Variants in FRMD4A observed in about 807,000 individuals in gnomAD.
FRMD4A encodes the protein FERM domain-containing protein 4A.
A neutral mutation model predicts 129.1 loss-of-function variants in FRMD4A; 29 were observed. The observed-to-expected ratio is 0.22, with a 90% CI of 0.17 to 0.31. The LOEUF (loss-of-function observed/expected upper bound fraction) is 0.31. FRMD4A is among the 10% of genes least tolerant of loss of function. The pLI is 1.00. For missense variants in FRMD4A, 1,272 were observed against 1,375.8 expected (o/e 0.92, Z 1.19); for synonymous variants, 634 against 571.6 (o/e 1.11, Z -1.56).
chr10:14,185,478 C>G (rs569470797), intron 2 of FRMD4A, among the ~76,000 whole-genome samples: 1 of 152,210 alleles, frequency 6.6e-6, no homozygotes, highest in Admixed American at 6.5e-5. Context: ...AACATTACAA[C>G]ATTTTGTAAT....
intron 11 of FRMD4A, among the ~76,000 whole-genome samples, chr10:13,739,969 G>A (rs554399233): frequency 8.1e-4 from 123 of 152,274 alleles, no homozygotes; most frequent in Middle Eastern, 3.4e-3. Context: ...GTGTGGTGGC[G>A]CATGCCTGTA....
chr10:13,954,893 G>T (rs574905022), intron 2 of FRMD4A, among the ~76,000 whole-genome samples: 1 of 152,272 alleles, frequency 6.6e-6, no homozygotes, highest in South Asian at 2.1e-4. Flanking sequence ...GCATTAGATT[G>T]TAAGTGGGCT....
At chr10:14,320,446 C>T (rs548086859) in intron 2 of FRMD4A, among the ~76,000 whole-genome samples, 9 of 152,146 alleles carry the variant, frequency 5.9e-5, no homozygotes, top group Non-Finnish European at 8.8e-5. Context: ...TTGTTCCCTC[C>T]ACTGGGAAGC....
intron 2 of FRMD4A, among the ~76,000 whole-genome samples, chr10:13,967,092 C>CT (rs1184891261): frequency 2.0e-5 from 3 of 152,184 alleles, no homozygotes; most frequent in African/African-American, 4.8e-5. Flanking sequence ...AATCCCAGCA[C>CT]TTCGGAGGCC....
chr10:13,891,949 C>T (rs574663933), intron 2 of FRMD4A, among the ~76,000 whole-genome samples: 1 of 149,602 alleles, frequency 6.7e-6, no homozygotes, highest in East Asian at 2.0e-4. Context: ...GCTGCTAGGT[C>T]GGGTGCTAGG....
At chr10:13,870,807 C>A (rs1395078122) in intron 2 of FRMD4A, 1 of 152,348 alleles carries the variant, frequency 6.6e-6, no homozygotes, top group Non-Finnish European at 1.5e-5. Context: ...GGAGGCAAGC[C>A]CATGTGGGAG....
intron 3 of FRMD4A, among the ~76,000 whole-genome samples, chr10:13,818,143 T>C (rs896611157): frequency 6.6e-6 from 1 of 152,158 alleles, no homozygotes; most frequent in Non-Finnish European, 1.5e-5. Flanking sequence ...AGAATTCCTA[T>C]ACTAAGACAT....
intron 2 of FRMD4A, among the ~76,000 whole-genome samples, chr10:14,065,911 G>A (rs1048089735): frequency 2.6e-5 from 4 of 152,014 alleles, no homozygotes; most frequent in African/African-American, 9.7e-5. Flanking sequence ...CGGGGTCCTA[G>A]CCCCCTGTTA....
intron 2 of FRMD4A, among the ~76,000 whole-genome samples, chr10:14,269,197 G>A (rs1845077791): frequency 6.6e-6 from 1 of 152,162 alleles, no homozygotes; most frequent in African/African-American, 2.4e-5. Context: ...TCTATTCACA[G>A]GATCAGCACA....
chr10:14,303,469 T>C (rs779790657), intron 2 of FRMD4A, among the ~76,000 whole-genome samples: 6 of 152,208 alleles, frequency 3.9e-5, no homozygotes, highest in Non-Finnish European at 7.3e-5. Context: ...GTAATAGTTA[T>C]AATTTGGCTA....
intron 4 of FRMD4A, among the ~76,000 whole-genome samples, chr10:13,798,261 A>T (rs1380875084): frequency 1.3e-5 from 2 of 152,044 alleles, no homozygotes; most frequent in Non-Finnish European, 2.9e-5. Flanking sequence ...AAATACAAAA[A>T]ATTAGCTGGA....
chr10:13,663,570 T>C lies in FRMD4A; in HGVS notation c.1604-61A>G, dbSNP rs1456146749. 5.5e-5 allele frequency: 47 copies of C among 855,840 alleles called. No individual in the cohort carries two copies. In the South Asian group the frequency reaches 6.0e-4, roughly 11 times the overall value. The allele number at this position is 855,840 out of a possible 1,614,324, so 53.0% of individuals were successfully genotyped here. Reference sequence around the variant, plus strand: ...CACATTCCTTCAGCAAAGCCCTATCTGTAAAAATAGCATGTCTACTACCAC... The same window carrying C: ...CACATTCCTTCAGCAAAGCCCTATCCGTAAAAATAGCATGTCTACTACCAC... On this transcript the variant is annotated intron_variant, in intron 18 of 24. Transcript: ENST00000357447.
intron 2 of FRMD4A, among the ~76,000 whole-genome samples, chr10:14,296,739 C>T (rs952850844): frequency 6.6e-6 from 1 of 152,208 alleles, no homozygotes; most frequent in Non-Finnish European, 1.5e-5. Flanking sequence ...CCCAATCCCT[C>T]GCCCACTTGG....
chr10:13,998,026 T>C (rs1473901550), intron 2 of FRMD4A, among the ~76,000 whole-genome samples: 1 of 152,218 alleles, frequency 6.6e-6, no homozygotes, highest in Non-Finnish European at 1.5e-5. Flanking sequence ...AAATCCATCA[T>C]GCCCTTCTGG....
chr10:14,160,621 T>C (rs1313490822), intron 2 of FRMD4A, among the ~76,000 whole-genome samples: 1 of 152,114 alleles, frequency 6.6e-6, no homozygotes, highest in African/African-American at 2.4e-5. Flanking sequence ...CCCATTAAAA[T>C]GTGGGCAAAG....
intron 12 of FRMD4A, among the ~76,000 whole-genome samples, chr10:13,710,850 C>T (rs1027531225): frequency 2.6e-5 from 4 of 151,974 alleles, no homozygotes; most frequent in Admixed American, 1.3e-4. Context: ...TCCGTCTCTG[C>T]GAAAAATACA....
intron 12 of FRMD4A, chr10:13,729,457 T>C (rs749739225): frequency 5.9e-5 from 9 of 152,146 alleles, no homozygotes; most frequent in Non-Finnish European, 1.2e-4. Context: ...CCGCACCGCA[T>C]AATTTAGCGG....
At chr10:14,256,759 G>A (rs1844627812) in intron 2 of FRMD4A, among the ~76,000 whole-genome samples, 1 of 152,092 alleles carries the variant, frequency 6.6e-6, no homozygotes, top group Admixed American at 6.5e-5. Context: ...AAGGTATAAG[G>A]ATTGCTTGAG....
chr10:13,938,699 C>T (rs2095267836), intron 2 of FRMD4A, among the ~76,000 whole-genome samples: 2 of 152,204 alleles, frequency 1.3e-5, no homozygotes, highest in Non-Finnish European at 2.9e-5. Context: ...TGATTTTGCA[C>T]CTCTGCTCTC....
Sources: allele counts gnomAD v4.1 joint callset (sites outside exome capture counted in the v4.1 genomes callset), GRCh38; gene constraint gnomAD v4.1.1; transcripts MANE v1.5; gene names NCBI Gene and HGNC (gene_info 2026-07-23, HGNC 2026-07-21).